Variants in VPS13A observed in about 807,000 individuals in gnomAD.
VPS13A encodes vacuolar protein sorting 13 homolog A, also known as intermembrane lipid transfer protein VPS13A.
Under a neutral mutation model 390.9 loss-of-function variants are expected in VPS13A, and 264 were observed. The ratio of observed to expected loss-of-function variants is 0.68; its 90% CI spans 0.61 to 0.75. The LOEUF (loss-of-function observed/expected upper bound fraction) is 0.75, where lower values mean the gene tolerates loss of function less well. Ranked by LOEUF, VPS13A falls within the 30% of genes least tolerant of loss-of-function variation. The probability of loss-of-function intolerance (pLI) is 0.00; values close to 1 mark genes in which losing one functional copy is unlikely to be tolerated. For missense variants in VPS13A, 3,409 were observed against 3,733.9 expected, an observed-to-expected ratio of 0.91 and a Z score of 2.27; for synonymous variants, 1,231 against 1,227.1, an observed-to-expected ratio of 1.00 and a Z score of -0.07.
At chr9:77,415,196 A>G (rs956449905) in intron 71 of VPS13A, among the ~76,000 whole-genome samples, 2 of 152,174 alleles carry the variant, frequency 1.3e-5, no homozygotes, top group East Asian at 1.9e-4. Flanking sequence ...TACCTGCAAT[A>G]AAGTTTTCTT....
chr9:77,249,979 A>G (rs1041960525), intron 20 of VPS13A, 118 bp from the exon 21 acceptor site: 13 of 1,135,214 alleles, frequency 1.1e-5, no homozygotes, highest in Non-Finnish European at 1.6e-5. Flanking sequence ...CTTATTATGT[A>G]TGCTTACTTG....
At chr9:77,374,542 A>T (rs188854469) in intron 67 of VPS13A, among the ~76,000 whole-genome samples, 58 of 152,282 alleles carry the variant, frequency 3.8e-4, no homozygotes, top group African/African-American at 1.3e-3. Flanking sequence ...TCAGAATGGC[A>T]TGCAATTTAA....
rs1825862588 is a variant in VPS13A at position 77,209,642 on chromosome 9, A to G, written c.495+110A>G. On this transcript the variant is annotated intron_variant, in intron 6 of 71. Coordinates refer to ENST00000360280, the MANE Select transcript of VPS13A (RefSeq NM_033305.3). ...AATCTGTTAAATCCCAAAAGGTTAC[A>G]GAGCTAAAGATGATGTGATCCTTCT... is the stretch of plus-strand genomic sequence containing the variant. 9.9e-6 allele frequency: 7 copies of G among 707,110 alleles called. No homozygotes were observed. In the Admixed American group the frequency reaches 1.7e-4, roughly 18 times the overall value. The allele number at this position is 707,110 out of a possible 1,614,324, so 43.8% of individuals were successfully genotyped here. A position where few individuals can be genotyped will look rare whatever the true frequency, so the allele number is the denominator to read the frequency against.
chr9:77,290,759 T>C (rs1201444876), intron 31 of VPS13A, among the ~76,000 whole-genome samples: 2 of 152,200 alleles, frequency 1.3e-5, no homozygotes, highest in African/African-American at 4.8e-5. Context: ...TGTTACCATG[T>C]TTTTTAATCT....
In VPS13A at chr9:77,280,762, T is replaced by C. The variant is rs141958255; in HGVS notation, c.2904+524T>C. Among the ~76,000 whole-genome samples the C allele has an allele frequency of 7.1e-3, 1,081 of 152,316 alleles. 7 individuals carry two copies. The highest frequency in any genetic ancestry group is 0.02 in the Middle Eastern group (6 of 294). On this transcript the variant is annotated intron_variant, in intron 27 of 71. Coordinates refer to ENST00000360280, the MANE Select transcript of VPS13A (RefSeq NM_033305.3). Reference sequence around the variant, plus strand: ...TCAGACTATTTTAATAATTACTTTATAATAAGAATAATGCAGAAAGCATTT... The same window carrying C: ...TCAGACTATTTTAATAATTACTTTACAATAAGAATAATGCAGAAAGCATTT...
At chr9:77,369,802 T>C (rs558273387) in intron 63 of VPS13A, among the ~76,000 whole-genome samples, 1 of 152,322 alleles carries the variant, frequency 6.6e-6, no homozygotes. Flanking sequence ...TTTAAAACTT[T>C]TTCCCAAAAG....
chr9:77,210,686 T>A lies in VPS13A; in HGVS notation c.555+11T>A. ...AATCTGAGCATGCAGGTATTTTGTT[T>A]ATAAAAGAATCTTAACCATATTTAA... On this transcript the variant is annotated intron_variant, in intron 7 of 71. Transcript: ENST00000360280. 2 of 1,612,714 alleles carry A rather than the reference T, an allele frequency of 1.2e-6. No homozygotes were observed. Among genetic ancestry groups the A allele is most frequent in the Non-Finnish European group, 1.7e-6 (2 of 1,179,028 alleles).
At chr9:77,387,682 C>T (rs1313061850) in intron 68 of VPS13A, among the ~76,000 whole-genome samples, 1 of 152,012 alleles carries the variant, frequency 6.6e-6, no homozygotes, top group Non-Finnish European at 1.5e-5. Context: ...AATAATATTG[C>T]CAATTTTCAG....
chr9:77,208,189 CCT>C (rs2131136281), intron 5 of VPS13A, among the ~76,000 whole-genome samples: 1 of 152,154 alleles, frequency 6.6e-6, no homozygotes, highest in African/African-American at 2.4e-5. Context: ...AAAATATGAT[CCT>C]CTGTCTTTAA....
At chr9:77,326,999 G>A (rs1184244556) in intron 45 of VPS13A, among the ~76,000 whole-genome samples, 1 of 152,136 alleles carries the variant, frequency 6.6e-6, no homozygotes, top group African/African-American at 2.4e-5. Context: ...TTTCAGTCAC[G>A]TTGGCTTCCC....
intron 52 of VPS13A, among the ~76,000 whole-genome samples, chr9:77,349,969 C>T (rs1831367877): frequency 6.6e-6 from 1 of 152,146 alleles, no homozygotes; most frequent in African/African-American, 2.4e-5. Flanking sequence ...TAACGATCCT[C>T]AACCCATTTG....
rs143067406 is a variant in VPS13A, at chr9:77,283,429, A to G, written c.3193A>G (p.Ile1065Val). Residue 1065 changes from isoleucine to valine, a missense_variant, in exon 30 of 72, where the codon ATT becomes GTT. By Grantham distance (29) the Ile-to-Val change is conservative. Transcript: ENST00000360280. ...LAELSCLQIF[I>V]QDQKCNISEI... ...AGAATTATCGTGTTTACAGATCTTTATTCAAGATCAGAAATGTAACATTTC... is the reference window on the plus strand; with the variant it reads ...AGAATTATCGTGTTTACAGATCTTTGTTCAAGATCAGAAATGTAACATTTC... 481 of 1,607,738 alleles carry G rather than the reference A, an allele frequency of 3.0e-4. No individual in the cohort carries two copies. Among genetic ancestry groups the G allele is most frequent in the South Asian group, 1.0e-3 (94 of 90,828 alleles).
Position 77,334,095 on chromosome 9 carries a change from A to G in VPS13A, c.6095+1982A>G, listed in dbSNP as rs534792196. ...GTACGGTAACATCTGTAATATAGTAATATGGAGATTAGAAGGAAAAGGCTA... is the reference window on the plus strand; with the variant it reads ...GTACGGTAACATCTGTAATATAGTAGTATGGAGATTAGAAGGAAAAGGCTA... On this transcript the variant is annotated intron_variant, in intron 46 of 71. Transcript: ENST00000360280. Among the ~76,000 whole-genome samples the G allele has an allele frequency of 2.0e-5, 3 of 152,332 alleles. No homozygotes were observed. In the South Asian group the frequency reaches 6.2e-4, roughly 32 times the overall value.
Position 77,368,070 on chromosome 9 carries a change from A to G in VPS13A, c.8487A>G (p.Glu2829=). ...CTTTTTTCAGGCTTGCATTTTTTGA[A>G]CTCAACTATCAGTTCCATACAACAT... ...QDVVFKLAFF[E]LNYQFHTTSD... Residue 2829 remains glutamate, a synonymous_variant, in exon 62 of 72, where the codon GAA becomes GAG. Coordinates refer to ENST00000360280, the MANE Select transcript of VPS13A (RefSeq NM_033305.3). 1 of 1,612,240 alleles carries G rather than the reference A, an allele frequency of 6.2e-7. No individual in the cohort carries two copies. The highest frequency in any genetic ancestry group is 1.1e-5 in the South Asian group (1 of 90,884).
chr9:77,199,921 A>C, intron 1 of VPS13A, 24 bp from the exon 2 acceptor site: 1 of 1,582,386 alleles, frequency 6.3e-7, no homozygotes, highest in Non-Finnish European at 8.6e-7. Flanking sequence ...TGATTGTTTG[A>C]ATCTTTTTTT....
chr9:77,210,682 T>G lies in VPS13A; in HGVS notation c.555+7T>G. On this transcript the variant is annotated splice_region_variant and intron_variant, in intron 7 of 71. Coordinates refer to ENST00000360280, the MANE Select transcript of VPS13A (RefSeq NM_033305.3). ...TCAAAATCTGAGCATGCAGGTATTT[T>G]GTTTATAAAAGAATCTTAACCATAT... 2 of 1,613,426 alleles carry G rather than the reference T, an allele frequency of 1.2e-6. No homozygotes were observed. The highest frequency in any genetic ancestry group is 8.5e-7 in the Non-Finnish European group (1 of 1,179,644).
intron 31 of VPS13A, among the ~76,000 whole-genome samples, chr9:77,292,754 A>G (rs1827753080): frequency 6.6e-6 from 1 of 152,144 alleles, no homozygotes; most frequent in South Asian, 2.1e-4. Flanking sequence ...AACATTTTAC[A>G]TCTCCTGTTG....
At chr9:77,384,884 C>T in intron 68 of VPS13A, 1 of 1,410,848 alleles carries the variant, frequency 7.1e-7, no homozygotes, top group Non-Finnish European at 9.2e-7. Flanking sequence ...GTAGGGAGGG[C>T]ATCCAACATA....
intron 25 of VPS13A, 150 bp downstream of exon 25, chr9:77,275,802 C>T (rs1263392498): frequency 4.0e-5 from 39 of 970,044 alleles, no homozygotes; most frequent in Non-Finnish European, 5.2e-5. Flanking sequence ...GGTCACTCCC[C>T]GCCCCCCCCT....
Sources: allele counts gnomAD v4.1 joint callset (sites outside exome capture counted in the v4.1 genomes callset), GRCh38; gene constraint gnomAD v4.1.1; transcripts MANE v1.5; gene names NCBI Gene and HGNC (gene_info 2026-07-23, HGNC 2026-07-21).